FSD1L: variants seen among roughly 807,000 people sequenced by gnomAD.
The protein encoded by FSD1L is fibronectin type III and SPRY domain containing 1 like, also known as FSD1-like protein.
In FSD1L, 45 loss-of-function variants were observed where a neutral mutation model predicts 71.6. The observed-to-expected ratio is 0.63, with a 90% CI of 0.49 to 0.81. FSD1L has a LOEUF of 0.81. Among genes scored for constraint, FSD1L ranks in the 30% least tolerant of loss-of-function variants. The pLI is 0.00. For synonymous variants in FSD1L, 197 were observed against 207.2 expected (o/e 0.95, Z 0.42); for missense variants, 561 against 618.1 (o/e 0.91, Z 0.98).
In FSD1L at chr9:105,537,670, A is replaced by G. The variant is rs117248169; in HGVS notation, c.1379-1593A>G. Among the ~76,000 whole-genome samples, 1,418 of 152,282 alleles carry G rather than the reference A, an allele frequency of 9.3e-3. 11 individuals carry two copies. Among genetic ancestry groups the G allele is most frequent in the Non-Finnish European group, 0.014 (961 of 68,018 alleles). On this transcript the variant is annotated intron_variant, in intron 12 of 13. Coordinates refer to ENST00000481272, the MANE Select transcript of FSD1L (RefSeq NM_001145313.3). The stretch of plus-strand genomic sequence containing the variant: ...CTGCATGTTTTAGAACACTATAGTC[A>G]TAAGATAATTGAGTTTTAGAAATAT...
chr9:105,512,746 T>A (rs2131379134), intron 9 of FSD1L, 61 bp from the exon 10 acceptor site: 1 of 913,720 alleles, frequency 1.1e-6, no homozygotes. Flanking sequence ...GTGATAGCTG[T>A]GTTTCAGAAA....
intron 7 of FSD1L, among the ~76,000 whole-genome samples, chr9:105,494,764 A>T (rs1833232698): frequency 6.6e-6 from 1 of 152,028 alleles, no homozygotes. Context: ...CTAGAGGTGC[A>T]CTCCAGACCC....
chr9:105,491,533 A>G (rs1462498395), intron 7 of FSD1L, among the ~76,000 whole-genome samples: 2 of 152,112 alleles, frequency 1.3e-5, no homozygotes, highest in African/African-American at 2.4e-5. Flanking sequence ...TTCCAACACT[A>G]TGTTGAATAG....
chr9:105,506,935 C>G (rs1422133737), intron 8 of FSD1L, among the ~76,000 whole-genome samples: 1 of 152,082 alleles, frequency 6.6e-6, no homozygotes, highest in Admixed American at 6.5e-5. Context: ...CCACACTTAG[C>G]TAATTTTTGT....
intron 2 of FSD1L, among the ~76,000 whole-genome samples, chr9:105,462,914 G>A (rs558605449): frequency 1.3e-5 from 2 of 150,000 alleles, no homozygotes; most frequent in South Asian, 4.3e-4. Flanking sequence ...GAGGCAGGTG[G>A]ATCTCCTGAG....
At chr9:105,536,484 A>G (rs1836272152) in intron 12 of FSD1L, among the ~76,000 whole-genome samples, 1 of 152,152 alleles carries the variant, frequency 6.6e-6, no homozygotes, top group Non-Finnish European at 1.5e-5. Flanking sequence ...AAGGACAGTA[A>G]TTTGGCTATG....
chr9:105,522,513 A>G lies in FSD1L; in HGVS notation c.1025+9577A>G, dbSNP rs1835238169. On this transcript the variant is annotated intron_variant, in intron 10 of 13. Transcript: ENST00000481272. ...GGCGAGGAGTATAGTACGGCAAAAAACTGTCGATATTGATGATGCTCAAAT... is the reference window on the plus strand; with the variant it reads ...GGCGAGGAGTATAGTACGGCAAAAAGCTGTCGATATTGATGATGCTCAAAT... 4 of 1,613,786 alleles carry G rather than the reference A, an allele frequency of 2.5e-6. No homozygotes were observed. The South Asian group carries it at 4.4e-5, about 18-fold the overall frequency.
intron 13 of FSD1L, among the ~76,000 whole-genome samples, chr9:105,545,166 G>A (rs182591499): frequency 0.038 from 5,679 of 150,768 alleles, 175 homozygotes; most frequent in Middle Eastern, 0.078. Flanking sequence ...TGGATTCCTA[G>A]GTATTTTATT....
intron 13 of FSD1L, among the ~76,000 whole-genome samples, chr9:105,545,100 C>A (rs1037616575): frequency 2.0e-5 from 3 of 152,040 alleles, no homozygotes; most frequent in Non-Finnish European, 2.9e-5. Context: ...TCTTTTATTT[C>A]ATTGAGCAGT....
rs1239616373 is a variant in FSD1L, at chr9:105,550,297, T to C, written c.*3814T>C. 2 of 152,066 alleles carry C rather than the reference T, an allele frequency of 1.3e-5. No homozygotes were observed. Among genetic ancestry groups the C allele is most frequent in the Non-Finnish European group, 2.9e-5 (2 of 67,910 alleles). 9.4% of individuals were successfully genotyped at this position (152,066 alleles called of 1,614,324 possible). A position where few individuals can be genotyped will look rare whatever the true frequency, so the allele number is the denominator to read the frequency against. On this transcript the variant is annotated 3_prime_UTR_variant, in exon 14 of 14. Coordinates refer to ENST00000481272, the MANE Select transcript of FSD1L (RefSeq NM_001145313.3). ...AATGGTTCACTTTTATATAGTCACA[T>C]GTAATGGGCCTGAAAAAGTTTCTTC...
chr9:105,497,755 A>G (rs1044112223), intron 7 of FSD1L, among the ~76,000 whole-genome samples: 14 of 152,092 alleles, frequency 9.2e-5, no homozygotes, highest in African/African-American at 3.4e-4. Context: ...TATTGATTCC[A>G]TTGATCTGTC....
chr9:105,485,834 G>A (rs899334482), intron 7 of FSD1L, among the ~76,000 whole-genome samples: 1 of 151,792 alleles, frequency 6.6e-6, no homozygotes, highest in Non-Finnish European at 1.5e-5. Context: ...TAGTAGAGAC[G>A]GGGTTTCACC....
At chr9:105,533,978 G>A (rs1461291066) in intron 10 of FSD1L, among the ~76,000 whole-genome samples, 5 of 152,036 alleles carry the variant, frequency 3.3e-5, no homozygotes, top group East Asian at 1.9e-4. Flanking sequence ...CTGCCTTGGC[G>A]CCTCCCAAAG....
At chr9:105,466,316 A>G (rs1831064393) in intron 3 of FSD1L, among the ~76,000 whole-genome samples, 1 of 152,240 alleles carries the variant, frequency 6.6e-6, no homozygotes, top group Non-Finnish European at 1.5e-5. Flanking sequence ...ACCCAAAGTA[A>G]TCTACAGATT....
intron 1 of FSD1L, among the ~76,000 whole-genome samples, chr9:105,459,620 G>T (rs953167267): frequency 5.9e-5 from 9 of 152,234 alleles, no homozygotes; most frequent in Non-Finnish European, 7.3e-5. Context: ...GAAAAGCTTA[G>T]CAGAGAGGCA....
chr9:105,470,662 A>T (rs931143117), intron 4 of FSD1L, among the ~76,000 whole-genome samples: 1 of 152,148 alleles, frequency 6.6e-6, no homozygotes, highest in Non-Finnish European at 1.5e-5. Context: ...TATCTTACAT[A>T]CACACCATAA....
Position 105,471,972 on chromosome 9 carries a change from A to G in FSD1L, c.408A>G (p.Ser136=), listed in dbSNP as rs61996264. 3.7e-3 allele frequency: 5,353 copies of G among 1,443,516 alleles called. 174 individuals carry two copies. In the African/African-American group the frequency reaches 0.072, roughly 19 times the overall value. 89.4% of individuals were successfully genotyped at this position (1,443,516 alleles called of 1,614,324 possible). A position where few individuals can be genotyped will look rare whatever the true frequency, so the allele number is the denominator to read the frequency against. The change falls in exon 5 of 14, where the codon TCA becomes TCG. Residue 136 remains serine (S), a synonymous_variant. Transcript: ENST00000481272. ...AACTATTAGAATTTGCAACAAGGTC[A>G]TTAGATATAAAGGAACCTGAAGAAT... is the stretch of plus-strand genomic sequence containing the variant. ...SEELLEFATR[S]LDIKEPEEFS... is the part of the protein sequence containing the mutation.
intron 1 of FSD1L, among the ~76,000 whole-genome samples, chr9:105,452,019 A>T (rs931197037): frequency 6.6e-6 from 1 of 152,142 alleles, no homozygotes; most frequent in Non-Finnish European, 1.5e-5. Flanking sequence ...TTTCCTGCAT[A>T]TTCTTCCTAC....
intron 4 of FSD1L, among the ~76,000 whole-genome samples, chr9:105,470,748 T>C (rs907168833): frequency 2.6e-5 from 4 of 152,178 alleles, no homozygotes; most frequent in Non-Finnish European, 4.4e-5. Context: ...TTGTTGTTCA[T>C]ATTTGGGGGT....
Sources: gnomAD v4.1 joint callset for allele counts (sites outside exome capture counted in the v4.1 genomes callset) on GRCh38, gnomAD v4.1.1 for gene constraint, MANE v1.5 for transcripts, NCBI Gene and HGNC (gene_info 2026-07-23, HGNC 2026-07-21) for gene names.